Variants in C2orf42 observed in about 807,000 individuals in gnomAD.
The protein encoded by C2orf42 is chromosome 2 open reading frame 42, also known as uncharacterized protein C2orf42.
In C2orf42, 44 loss-of-function variants were observed where a neutral mutation model predicts 58.9. The observed-to-expected ratio is 0.75, with a 90% CI of 0.59 to 0.96. C2orf42 has a LOEUF of 0.96. C2orf42 is among the 40% of genes least tolerant of loss of function. The pLI is 0.00. For missense variants in C2orf42, 630 were observed against 699.2 expected (o/e 0.90, Z 1.12); for synonymous variants, 239 against 265.4 (o/e 0.90, Z 0.97).
chr2:70,152,948 G>T (rs774536363), intron 9 of C2orf42, among the ~76,000 whole-genome samples: 2 of 151,726 alleles, frequency 1.3e-5, no homozygotes, highest in African/African-American at 4.8e-5. Flanking sequence ...TAAAAGAATT[G>T]CTTGAACCTG....
In C2orf42 at chr2:70,169,539, T is replaced by C. The variant is rs1209700525; in HGVS notation, c.1144+18A>G. ...CTCCTACTTTCAGCAAGAGCCCAGT[T>C]AGATGAACAATACTTACCATCAAAC... On this transcript the variant is annotated intron_variant, in intron 6 of 9. Coordinates refer to ENST00000264434, the MANE Select transcript of C2orf42 (RefSeq NM_017880.3). The C allele has an allele frequency of 7.9e-7, 1 of 1,263,668 alleles. No homozygotes were observed. Among genetic ancestry groups the C allele is most frequent in the South Asian group, 1.2e-5 (1 of 83,058 alleles). 78.3% of individuals were successfully genotyped at this position (1,263,668 alleles called of 1,614,324 possible). A position where few individuals can be genotyped will look rare whatever the true frequency, so the allele number is the denominator to read the frequency against.
rs773047206 is a variant in C2orf42 at position 70,150,412 on chromosome 2, G to A, written c.1669C>T (p.Pro557Ser). 10 of 1,614,138 alleles carry A rather than the reference G, an allele frequency of 6.2e-6. No homozygotes were observed. Among genetic ancestry groups the A allele is most frequent in the East Asian group, 4.5e-5 (2 of 44,878 alleles). The part of the protein sequence containing the change: ...GHVAEYQDQR[P>S]PLDQPLELAP... ...AGTTCCAAGGGCTGGTCCAAGGGGG[G>A]CCGCTGGTCTTGGTACTCCGCCACA... Residue 557 changes from proline to serine, a missense_variant, in exon 10 of 10, where the codon CCC becomes TCC. Coordinates refer to ENST00000264434, the MANE Select transcript of C2orf42 (RefSeq NM_017880.3).
At chr2:70,173,093 G>C (rs1673938651) in intron 5 of C2orf42, among the ~76,000 whole-genome samples, 1 of 151,894 alleles carries the variant, frequency 6.6e-6, no homozygotes, top group African/African-American at 2.4e-5. Flanking sequence ...GGAGGCGAAG[G>C]TTGCAGTGAG....
At chr2:70,175,376 T>A (rs1428452606) in intron 5 of C2orf42, among the ~76,000 whole-genome samples, 3 of 152,208 alleles carry the variant, frequency 2.0e-5, no homozygotes, top group Non-Finnish European at 4.4e-5. Context: ...CCCCAGTGTG[T>A]GTTGCTCCCC....
Position 70,181,776 on chromosome 2 carries a change from A to G in C2orf42, c.210T>C (p.Ser70=), listed in dbSNP as rs1363893064. The G allele has an allele frequency of 6.2e-7, 1 of 1,614,170 alleles. No individual in the cohort carries two copies. The highest frequency in any genetic ancestry group is 1.1e-5 in the South Asian group (1 of 91,086). Reference sequence around the variant, plus strand: ...GCCGCACTGAGTAGACCTGAAGATCAGAGCCTGTAATGATTTTGACAGCTT... The same window carrying G: ...GCCGCACTGAGTAGACCTGAAGATCGGAGCCTGTAATGATTTTGACAGCTT... ...SVEAVKIITG[S]DLQVYSVRQR... Residue 70 remains serine, a synonymous_variant, in exon 3 of 10, where the codon TCT becomes TCC. Transcript: ENST00000264434.
intron 5 of C2orf42, among the ~76,000 whole-genome samples, chr2:70,171,057 G>A (rs1673779786): frequency 1.3e-5 from 2 of 152,214 alleles, no homozygotes; most frequent in Middle Eastern, 3.4e-3. Context: ...GGAGCTTGCA[G>A]TGAGCCGAGA....
At chr2:70,165,477 A>T in intron 7 of C2orf42, 51 bp downstream of exon 7, 1 of 1,046,578 alleles carries the variant, frequency 9.6e-7, no homozygotes, top group Non-Finnish European at 1.5e-6. Flanking sequence ...TTCCAAACAT[A>T]ATTCTCTATG....
intron 8 of C2orf42, among the ~76,000 whole-genome samples, chr2:70,162,081 A>G (rs72900686): frequency 0.2 from 29,616 of 150,952 alleles, 4,059 homozygotes; most frequent in African/African-American, 0.39. Context: ...GCACGATCTC[A>G]GTTCACTGCA....
chr2:70,170,322 C>T (rs1673724119), intron 5 of C2orf42, among the ~76,000 whole-genome samples: 1 of 151,478 alleles, frequency 6.6e-6, no homozygotes, highest in African/African-American at 2.4e-5. Context: ...TCTCAGCTCA[C>T]TGCAACCTCC....
At chr2:70,155,717 G>A (rs543184567) in intron 9 of C2orf42, among the ~76,000 whole-genome samples, 59 of 151,036 alleles carry the variant, frequency 3.9e-4, no homozygotes, top group African/African-American at 1.4e-3. Context: ...GGAGAATGGC[G>A]TGAACCTGGG....
intron 5 of C2orf42, among the ~76,000 whole-genome samples, chr2:70,170,911 C>T (rs1024601774): frequency 6.6e-6 from 1 of 151,760 alleles, no homozygotes; most frequent in Non-Finnish European, 1.5e-5. Context: ...GTCAGGAGAT[C>T]GAGACCATCC....
At position 70,168,436 on chromosome 2, in the gene C2orf42, C is replaced by T. The variant is rs181507107; in HGVS notation, c.1144+1121G>A. On this transcript the variant is annotated intron_variant, in intron 6 of 9. Transcript: ENST00000264434. ...CCGAGTAGCTGGGACTACAGGCACC[C>T]GCCACCACACCTGGCTAATTTTTTT... Among the ~76,000 whole-genome samples, 579 of 150,504 alleles carry T rather than the reference C, an allele frequency of 3.8e-3. 4 individuals are homozygous for T. Among genetic ancestry groups the T allele is most frequent in the Middle Eastern group, 0.021 (6 of 288 alleles).
In C2orf42 at chr2:70,179,595, T is replaced by C. The variant is rs764799889; in HGVS notation, c.871A>G (p.Thr291Ala). 2 of 1,570,976 alleles carry C rather than the reference T, an allele frequency of 1.3e-6. No individual in the cohort carries two copies. The highest frequency in any genetic ancestry group is 1.3e-5 in the African/African-American group (1 of 74,216). Residue 291 changes from threonine (T) to alanine (A), a missense_variant, in exon 4 of 10, where the codon ACA becomes GCA. Transcript: ENST00000264434. The stretch of plus-strand genomic sequence containing the variant: ...GCAGTAGACTCACAAGCAGATACTG[T>C]TGATTCTGAATGGCAACCTAACTGG... Reference protein sequence around the residue: ...VPQLGCHSESTVSACESTASK... With the variant: ...VPQLGCHSESAVSACESTASK...
chr2:70,174,469 G>A (rs192274320), intron 5 of C2orf42, among the ~76,000 whole-genome samples: 3 of 152,206 alleles, frequency 2.0e-5, no homozygotes, highest in East Asian at 3.9e-4. Context: ...TCAGGAAAAT[G>A]ACATGGTTAC....
intron 1 of C2orf42, among the ~76,000 whole-genome samples, chr2:70,189,609 A>G (rs1176240404): frequency 6.7e-6 from 1 of 148,190 alleles, no homozygotes; most frequent in African/African-American, 2.5e-5. Context: ...CCCAGCTACT[A>G]GGGAGGCTGA....
intron 1 of C2orf42, among the ~76,000 whole-genome samples, chr2:70,189,130 G>A (rs553920054): frequency 3.9e-5 from 6 of 151,946 alleles, no homozygotes; most frequent in Non-Finnish European, 7.4e-5. Flanking sequence ...TGGCATGGCC[G>A]GGCACGGTGG....
intron 2 of C2orf42, 114 bp downstream of exon 2, chr2:70,182,549 AAGTT>A (rs2103641479): frequency 6.6e-6 from 1 of 152,472 alleles, no homozygotes; most frequent in African/African-American, 2.4e-5. Context: ...ATAACAACGG[AAGTT>A]AGTTAACCTA....
intron 1 of C2orf42, among the ~76,000 whole-genome samples, chr2:70,185,404 G>C (rs68190218): frequency 8.0e-6 from 1 of 125,204 alleles, no homozygotes; most frequent in Admixed American, 8.4e-5. Context: ...GTGAAATTCC[G>C]TGTCAAAAAA....
At chr2:70,154,256 G>A (rs572802210) in intron 9 of C2orf42, among the ~76,000 whole-genome samples, 9 of 151,080 alleles carry the variant, frequency 6.0e-5, no homozygotes, top group African/African-American at 2.2e-4. Context: ...GAATCACAAA[G>A]AATAGAATTA....
Sources: allele counts gnomAD v4.1 joint callset (sites outside exome capture counted in the v4.1 genomes callset), GRCh38; gene constraint gnomAD v4.1.1; transcripts MANE v1.5; gene names NCBI Gene and HGNC (gene_info 2026-07-23, HGNC 2026-07-21).